EPHA6: variants seen among roughly 807,000 people sequenced by gnomAD.
EPHA6 encodes ephrin type-A receptor 6.
A neutral mutation model predicts 112.0 loss-of-function variants in EPHA6; 50 were observed. The ratio of observed to expected loss-of-function variants is 0.45; its 90% CI spans 0.36 to 0.56. The LOEUF is 0.56. Ranked by LOEUF, EPHA6 falls within the 20% of genes least tolerant of loss-of-function variation. EPHA6 has a pLI of 0.00. For synonymous variants in EPHA6, 529 were observed against 490.7 expected (o/e 1.08, Z -1.03); for missense variants, 1,280 against 1,417.4 (o/e 0.90, Z 1.56).
In EPHA6 at chr3:97,623,622, G is replaced by A. The variant is rs545427188; in HGVS notation, c.2574+12768G>A. Among the ~76,000 whole-genome samples, 13 of 151,694 alleles carry A rather than the reference G, an allele frequency of 8.6e-5. No individual in the cohort carries two copies. In the South Asian group the frequency reaches 2.5e-3, roughly 29 times the overall value. On this transcript the variant is annotated intron_variant, in intron 13 of 17. Transcript: ENST00000389672. ...GCTTACATGGTGGAAGAGCAGAAGA[G>A]CAAAAAGGGCAAAAAGGAGCTAGGA...
chr3:97,117,424 C>T (rs187985626), intron 3 of EPHA6, among the ~76,000 whole-genome samples: 152 of 151,620 alleles, frequency 1.0e-3, no homozygotes, highest in African/African-American at 3.4e-3. Flanking sequence ...AAAAATTTCC[C>T]GTTTCCTTCT....
At chr3:96,890,781 T>C (rs1229798733) in intron 2 of EPHA6, among the ~76,000 whole-genome samples, 1 of 152,182 alleles carries the variant, frequency 6.6e-6, no homozygotes, top group African/African-American at 2.4e-5. Flanking sequence ...CAATATCTAT[T>C]AAATCTTAAT....
At chr3:97,587,730 T>G (rs1379446244) in intron 11 of EPHA6, among the ~76,000 whole-genome samples, 1 of 152,190 alleles carries the variant, frequency 6.6e-6, no homozygotes, top group Admixed American at 6.5e-5. Flanking sequence ...TAACACATTT[T>G]AGGAGTTGAA....
intron 3 of EPHA6, among the ~76,000 whole-genome samples, chr3:97,162,369 G>T (rs1407109367): frequency 2.0e-5 from 3 of 152,134 alleles, no homozygotes; most frequent in Non-Finnish European, 4.4e-5. Flanking sequence ...TCTGCCACCA[G>T]CTGAGTATAT....
intron 2 of EPHA6, among the ~76,000 whole-genome samples, chr3:96,947,370 A>G (rs939770304): frequency 6.6e-6 from 1 of 152,144 alleles, no homozygotes; most frequent in African/African-American, 2.4e-5. Flanking sequence ...AGGCATAAGG[A>G]AGGGATCCAG....
intron 1 of EPHA6, among the ~76,000 whole-genome samples, chr3:96,835,994 G>A (rs1242335218): frequency 1.3e-5 from 2 of 152,058 alleles, no homozygotes; most frequent in African/African-American, 4.8e-5. Flanking sequence ...CACATTACTT[G>A]TATAAAATTC....
chr3:96,939,889 C>T (rs553355028), intron 2 of EPHA6, among the ~76,000 whole-genome samples: 2 of 152,138 alleles, frequency 1.3e-5, no homozygotes, highest in Non-Finnish European at 2.9e-5. Context: ...GCAGGTTGTT[C>T]AGTTTCCATG....
At chr3:97,271,120 A>G (rs1299097432) in intron 5 of EPHA6, among the ~76,000 whole-genome samples, 1 of 152,212 alleles carries the variant, frequency 6.6e-6, no homozygotes, top group Non-Finnish European at 1.5e-5. Flanking sequence ...CCAAACAGAC[A>G]TTTCTGAAAT....
At chr3:97,157,651 G>C (rs912581117) in intron 3 of EPHA6, among the ~76,000 whole-genome samples, 5 of 152,072 alleles carry the variant, frequency 3.3e-5, no homozygotes, top group African/African-American at 1.2e-4. Flanking sequence ...GTAAATTCCA[G>C]TGTGAAAGCC....
At chr3:96,950,490 C>T (rs1559617222) in intron 2 of EPHA6, among the ~76,000 whole-genome samples, 1 of 152,006 alleles carries the variant, frequency 6.6e-6, no homozygotes. Context: ...GGAACTGTGT[C>T]TTTTTCTCAG....
chr3:97,429,051 T>C (rs1306402193), intron 6 of EPHA6, among the ~76,000 whole-genome samples: 1 of 152,164 alleles, frequency 6.6e-6, no homozygotes. Flanking sequence ...TTCAACATCA[T>C]TTAAGGGTTG....
chr3:97,473,618 T>C (rs1437828068), intron 7 of EPHA6, among the ~76,000 whole-genome samples: 1 of 151,802 alleles, frequency 6.6e-6, no homozygotes, highest in African/African-American at 2.4e-5. Context: ...GTAAATAATG[T>C]TTTTTGGGTA....
chr3:96,873,312 C>T (rs1470262756), intron 2 of EPHA6, among the ~76,000 whole-genome samples: 1 of 151,868 alleles, frequency 6.6e-6, no homozygotes, highest in Non-Finnish European at 1.5e-5. Flanking sequence ...GTCCATCTCT[C>T]CAATTCTGGG....
intron 14 of EPHA6, among the ~76,000 whole-genome samples, chr3:97,657,833 T>C (rs1367305268): frequency 1.3e-5 from 2 of 151,782 alleles, no homozygotes; most frequent in Non-Finnish European, 2.9e-5. Flanking sequence ...AATCTGGAAA[T>C]TCAGATTTTT....
chr3:97,586,723 T>TA (rs747206396), intron 11 of EPHA6, among the ~76,000 whole-genome samples: 10 of 127,964 alleles, frequency 7.8e-5, no homozygotes, highest in Admixed American at 2.6e-4. Context: ...GATGGATGGA[T>TA]GGATAGACAG....
intron 5 of EPHA6, among the ~76,000 whole-genome samples, chr3:97,358,258 G>A (rs2084186452): frequency 6.6e-6 from 1 of 151,046 alleles, no homozygotes. Flanking sequence ...TTTTCTTGGT[G>A]GTTATTATGG....
chr3:97,710,021 G>C (rs995011875), intron 14 of EPHA6, among the ~76,000 whole-genome samples: 1 of 152,144 alleles, frequency 6.6e-6, no homozygotes, highest in African/African-American at 2.4e-5. Flanking sequence ...CAGAAAATAT[G>C]AGCATTTTAA....
At chr3:97,571,403 C>G (rs971132073) in intron 11 of EPHA6, among the ~76,000 whole-genome samples, 1 of 151,952 alleles carries the variant, frequency 6.6e-6, no homozygotes, top group African/African-American at 2.4e-5. Flanking sequence ...AAGTTAAAAC[C>G]CTTTCATTTG....
intron 5 of EPHA6, among the ~76,000 whole-genome samples, chr3:97,392,224 C>A (rs965213865): frequency 6.6e-6 from 1 of 151,666 alleles, no homozygotes; most frequent in African/African-American, 2.4e-5. Context: ...ATTAGGTTTA[C>A]GTAGGCTCTT....
Sources: allele counts gnomAD v4.1 joint callset (sites outside exome capture counted in the v4.1 genomes callset), GRCh38; gene constraint gnomAD v4.1.1; transcripts MANE v1.5; gene names NCBI Gene and HGNC (gene_info 2026-07-23, HGNC 2026-07-21).